LSAMP: variants seen among roughly 807,000 people sequenced by gnomAD.
LSAMP encodes limbic system associated membrane protein, also known as limbic system-associated membrane protein.
LSAMP carries 7 observed loss-of-function variants against 38.6 expected under a neutral mutation model. That is an observed-to-expected ratio of 0.18 (90% CI 0.10 to 0.34). The LOEUF (loss-of-function observed/expected upper bound fraction) is 0.34, where lower values mean the gene tolerates loss of function less well. LSAMP is among the 10% of genes least tolerant of loss of function. The probability of loss-of-function intolerance (pLI) is 1.00; values close to 1 mark genes in which losing one functional copy is unlikely to be tolerated. For synonymous variants in LSAMP, 154 were observed against 166.8 expected, an observed-to-expected ratio of 0.92 and a Z score of 0.59; for missense variants, 313 against 420.0, an observed-to-expected ratio of 0.75 and a Z score of 2.23.
At chr3:116,214,401 C>T (rs1391293292) in intron 1 of LSAMP, among the ~76,000 whole-genome samples, 1 of 152,042 alleles carries the variant, frequency 6.6e-6, no homozygotes, top group African/African-American at 2.4e-5. Flanking sequence ...GAAAATGTTT[C>T]CCTGCTAAAA....
intron 1 of LSAMP, among the ~76,000 whole-genome samples, chr3:116,200,222 C>A (rs569581620): frequency 1.9e-4 from 29 of 152,140 alleles, no homozygotes; most frequent in African/African-American, 7.0e-4. Flanking sequence ...GAGAGGGCAC[C>A]ATTTTCTGTG....
intron 1 of LSAMP, among the ~76,000 whole-genome samples, chr3:116,093,360 G>A (rs187251872): frequency 6.6e-6 from 1 of 152,340 alleles, no homozygotes; most frequent in Admixed American, 6.5e-5. Flanking sequence ...GATCGAGGTT[G>A]AAATACCCAG....
intron 3 of LSAMP, among the ~76,000 whole-genome samples, chr3:115,957,037 A>G (rs994596323): frequency 6.6e-5 from 10 of 152,168 alleles, no homozygotes; most frequent in Non-Finnish European, 1.3e-4. Context: ...TCAAAGTTTT[A>G]TATTTGTCAC....
At chr3:116,220,540 G>A (rs545610548) in intron 1 of LSAMP, among the ~76,000 whole-genome samples, 4 of 152,270 alleles carry the variant, frequency 2.6e-5, no homozygotes, top group African/African-American at 7.2e-5. Context: ...TTGGGACTTA[G>A]GGACATTTTG....
chr3:115,917,960 T>G (rs2107517448), intron 3 of LSAMP, among the ~76,000 whole-genome samples: 1 of 152,302 alleles, frequency 6.6e-6, no homozygotes, highest in Non-Finnish European at 1.5e-5. Flanking sequence ...TGTTTCAAAT[T>G]GAAACAGTCC....
rs1022279164 is a variant in LSAMP, at chr3:116,389,099, A to G, written c.155+55778T>C. Among the ~76,000 whole-genome samples the G allele has an allele frequency of 4.6e-5, 7 of 152,250 alleles. No homozygotes were observed. The East Asian group carries it at 9.7e-4, about 21-fold the overall frequency. On this transcript the variant is annotated intron_variant, in intron 1 of 6. Transcript: ENST00000490035. ...TTTGTGTCTTGGAGGGATGGGAAAA[A>G]GGTTTTTAGCAGTCAGACAGGATGC...
At chr3:116,230,944 A>G (rs939488005) in intron 1 of LSAMP, among the ~76,000 whole-genome samples, 1 of 152,140 alleles carries the variant, frequency 6.6e-6, no homozygotes, top group African/African-American at 2.4e-5. Context: ...TAATGAAGCA[A>G]ACTGAGGAGG....
chr3:116,115,729 C>G (rs1708726815), intron 1 of LSAMP, among the ~76,000 whole-genome samples: 1 of 152,020 alleles, frequency 6.6e-6, no homozygotes, highest in Non-Finnish European at 1.5e-5. Flanking sequence ...AAAGCATTTT[C>G]CTATAGAATT....
intron 1 of LSAMP, among the ~76,000 whole-genome samples, chr3:116,377,645 A>C (rs1355332192): frequency 1.3e-5 from 2 of 151,852 alleles, no homozygotes; most frequent in African/African-American, 4.8e-5. Flanking sequence ...AGATCTTTGC[A>C]AACTCAGTAT....
intron 3 of LSAMP, among the ~76,000 whole-genome samples, chr3:115,854,735 T>G (rs1935453813): frequency 1.3e-5 from 2 of 152,168 alleles, no homozygotes; most frequent in African/African-American, 4.8e-5. Context: ...ATATTGTTTC[T>G]ATGCACTAAG....
rs563250094 is a variant in LSAMP, at chr3:116,402,198, G to A, written c.155+42679C>T. Among the ~76,000 whole-genome samples the A allele has an allele frequency of 4.3e-4, 66 of 152,246 alleles. 1 individual carries two copies. In the South Asian group the frequency reaches 0.013, roughly 31 times the overall value. On this transcript the variant is annotated intron_variant, in intron 1 of 6. Coordinates refer to ENST00000490035, the MANE Select transcript of LSAMP (RefSeq NM_002338.5). ...TTTATTTGCGATTTCACATGTTAGG[G>A]CTAAAGACCAATTTAGGCTAATATA...
At chr3:116,427,265 C>A (rs1049651657) in intron 1 of LSAMP, among the ~76,000 whole-genome samples, 1 of 151,464 alleles carries the variant, frequency 6.6e-6, no homozygotes, top group South Asian at 2.1e-4. Context: ...GGACTACAGG[C>A]GCCCACCACC....
chr3:115,907,492 C>A (rs1022143575), intron 3 of LSAMP, among the ~76,000 whole-genome samples: 2 of 152,136 alleles, frequency 1.3e-5, no homozygotes, highest in Non-Finnish European at 2.9e-5. Flanking sequence ...GACTTCCCTG[C>A]CTCCAGAACT....
At chr3:116,241,511 G>C (rs2046533527) in intron 1 of LSAMP, among the ~76,000 whole-genome samples, 1 of 152,024 alleles carries the variant, frequency 6.6e-6, no homozygotes, top group African/African-American at 2.4e-5. Context: ...AAGTTGCAGT[G>C]AGCTGGATTG....
At position 116,259,568 on chromosome 3, in the gene LSAMP, CTG is replaced by C. The variant is rs529992576; in HGVS notation, c.156-173014_156-173013del. 8.7e-4 allele frequency among the ~76,000 whole-genome samples: 133 copies of C among 152,240 alleles called. 1 individual carries two copies. Among genetic ancestry groups the C allele is most frequent in the African/African-American group, 3.1e-3 (128 of 41,540 alleles). On this transcript the variant is annotated intron_variant, in intron 1 of 6. Coordinates refer to ENST00000490035, the MANE Select transcript of LSAMP (RefSeq NM_002338.5). ...TATTTCGTTTTGCTAGATTACTTCT[CTG>C]TCTTTCACAACCAGAAGCCAATGTA...
intron 1 of LSAMP, among the ~76,000 whole-genome samples, chr3:116,232,349 T>C (rs1283952882): frequency 6.6e-6 from 1 of 152,208 alleles, no homozygotes. Context: ...CTGTTCTCAA[T>C]CCCACGGATT....
intron 1 of LSAMP, among the ~76,000 whole-genome samples, chr3:116,426,812 T>C (rs1417970287): frequency 6.6e-6 from 1 of 151,996 alleles, no homozygotes; most frequent in Non-Finnish European, 1.5e-5. Flanking sequence ...AGTGAGGTTA[T>C]ACGTAATGGT....
chr3:115,843,806 A>AT (rs1318453815), intron 4 of LSAMP, among the ~76,000 whole-genome samples: 1 of 152,050 alleles, frequency 6.6e-6, no homozygotes, highest in East Asian at 1.9e-4. Flanking sequence ...TTCCTTCCTG[A>AT]TTTTATCTTC....
At chr3:115,965,318 A>G (rs1238147992) in intron 3 of LSAMP, among the ~76,000 whole-genome samples, 1 of 152,038 alleles carries the variant, frequency 6.6e-6, no homozygotes, top group Non-Finnish European at 1.5e-5. Context: ...ATTAGTTTTT[A>G]ATTTTCCAGG....
Sources: gnomAD v4.1 joint callset for allele counts (sites outside exome capture counted in the v4.1 genomes callset) on GRCh38, gnomAD v4.1.1 for gene constraint, MANE v1.5 for transcripts, NCBI Gene and HGNC (gene_info 2026-07-23, HGNC 2026-07-21) for gene names.